Variants in SPMIP6 observed in about 807,000 individuals in gnomAD.
The protein encoded by SPMIP6 is ciliated bronchial epithelial protein 1.
the SPMIP6 span, chr9:34,379,516 C>T: frequency 2.7e-5 from 22 of 827,332 alleles, no homozygotes; most frequent in Non-Finnish European, 3.9e-5. This position sits in a 1 kb window ranked among gnomAD's most constrained non-coding sequence, Gnocchi z 4.2. Context: ...CACTAGCTCC[C>T]CCTCGTGGTA....
chr9:34,381,876 G>T, the SPMIP6 span: 1 of 768,416 alleles, frequency 1.3e-6, no homozygotes, highest in Non-Finnish European at 1.6e-6. This position sits in a 1 kb window ranked among gnomAD's most constrained non-coding sequence, Gnocchi z 4.4. Context: ...TCAGCCATCA[G>T]CCTGCAGTTA....
chr9:34,381,814 A>C, the SPMIP6 span: 783 of 974,472 alleles, frequency 8.0e-4, 1 homozygote, highest in Non-Finnish European at 9.3e-4. This position sits in a 1 kb window ranked among gnomAD's most constrained non-coding sequence, Gnocchi z 4.4. Flanking sequence ...AACTTGTGAA[A>C]GATTCGATTC....
At chr9:34,381,810 TG>T in the SPMIP6 span, 3 of 974,764 alleles carry the variant, frequency 3.1e-6, no homozygotes, top group Non-Finnish European at 3.7e-6. This position sits in a 1 kb window ranked among gnomAD's most constrained non-coding sequence, Gnocchi z 4.4. Context: ...GGAGAACTTG[TG>T]AAAGATTCGA....
At chr9:34,384,621 G>T in the SPMIP6 span, among the ~76,000 whole-genome samples, 2 of 152,142 alleles carry the variant, frequency 1.3e-5, no homozygotes, top group African/African-American at 4.8e-5. Context: ...CATAGGAGAT[G>T]CACATTCCCA....
At chr9:34,382,582 C>G in the SPMIP6 span, 1 of 518,204 alleles carries the variant, frequency 1.9e-6, no homozygotes, top group South Asian at 2.1e-5. Flanking sequence ...GAGACTCTAT[C>G]TAAAAAAAAA....
chr9:34,394,647 T>C, the SPMIP6 span, among the ~76,000 whole-genome samples: 1 of 152,078 alleles, frequency 6.6e-6, no homozygotes, highest in African/African-American at 2.4e-5. Flanking sequence ...TTTACCGCCA[T>C]TGAAGATAAA....
the SPMIP6 span, chr9:34,385,573 C>T: frequency 5.6e-6 from 6 of 1,080,504 alleles, no homozygotes; most frequent in South Asian, 2.7e-5. Flanking sequence ...ATAGAGGTCA[C>T]GATCCAGGTG....
chr9:34,385,795 G>A, the SPMIP6 span: 1 of 1,610,512 alleles, frequency 6.2e-7, no homozygotes, highest in East Asian at 2.2e-5. Flanking sequence ...GGCAAGGGGA[G>A]AGGAGAGAAG....
the SPMIP6 span, among the ~76,000 whole-genome samples, chr9:34,383,266 G>C: frequency 6.6e-6 from 1 of 152,206 alleles, no homozygotes; most frequent in East Asian, 1.9e-4. Flanking sequence ...GCTCATGCCT[G>C]TAATCCTAGC....
chr9:34,395,366 TTC>T, the SPMIP6 span, among the ~76,000 whole-genome samples: 3 of 152,212 alleles, frequency 2.0e-5, no homozygotes, highest in African/African-American at 4.8e-5. Context: ...TCCGAGAGAT[TTC>T]TCTGTCACTA....
At chr9:34,380,071 T>A in the SPMIP6 span, among the ~76,000 whole-genome samples, 1 of 152,224 alleles carries the variant, frequency 6.6e-6, no homozygotes, top group South Asian at 2.1e-4. Flanking sequence ...TTTCTGAGCT[T>A]CCTAGAGGCT....
chr9:34,379,188 G>A, the SPMIP6 span: 1 of 1,569,518 alleles, frequency 6.4e-7, no homozygotes, highest in Admixed American at 1.7e-5. This position sits in a 1 kb window ranked among gnomAD's most constrained non-coding sequence, Gnocchi z 4.2. Context: ...CCATCTACAG[G>A]AAGAGATGGG....
the SPMIP6 span, chr9:34,381,162 C>A: frequency 1.3e-6 from 2 of 1,559,884 alleles, no homozygotes; most frequent in Non-Finnish European, 1.7e-6. This position sits in a 1 kb window ranked among gnomAD's most constrained non-coding sequence, Gnocchi z 4.4. Flanking sequence ...CGCAGGAGAC[C>A]CAAAGACAGA....
At chr9:34,390,302 G>C in the SPMIP6 span, among the ~76,000 whole-genome samples, 1 of 151,966 alleles carries the variant, frequency 6.6e-6, no homozygotes, top group African/African-American at 2.4e-5. Context: ...GGTTATATTT[G>C]CTAAGTTTTT....
chr9:34,385,858 G>T, the SPMIP6 span: 1 of 1,492,774 alleles, frequency 6.7e-7, no homozygotes, highest in Middle Eastern at 2.5e-4. Context: ...ACTAGATCCA[G>T]CCTCTCTTGA....
the SPMIP6 span, chr9:34,381,864 G>A: frequency 9.4e-6 from 8 of 849,750 alleles, no homozygotes; most frequent in African/African-American, 1.3e-4. The surrounding 1 kb of genome is among the most constrained non-coding windows in gnomAD (Gnocchi z 4.4). Context: ...ATCAACCCAG[G>A]GTCAGCCATC....
the SPMIP6 span, chr9:34,385,674 G>A: frequency 6.2e-7 from 1 of 1,613,918 alleles, no homozygotes; most frequent in East Asian, 2.2e-5. Context: ...CAGGCAAGTA[G>A]GGGTGGCCTG....
the SPMIP6 span, chr9:34,381,552 C>T: frequency 1.3e-6 from 2 of 1,546,272 alleles, no homozygotes; most frequent in East Asian, 2.4e-5. The surrounding 1 kb of genome is among the most constrained non-coding windows in gnomAD (Gnocchi z 4.4). Context: ...ACTTCTCCCG[C>T]CCTTCAGCAG....
chr9:34,392,442 C>CGTGTGTGTGTGTGTGTGTGTGTGT, the SPMIP6 span, among the ~76,000 whole-genome samples: 1 of 148,120 alleles, frequency 6.8e-6, no homozygotes, highest in Non-Finnish European at 1.5e-5. This position sits in a 1 kb window ranked among gnomAD's most constrained non-coding sequence, Gnocchi z 4.6. Context: ...ATCTAAAAAC[C>CGTGTGTGTGTGTGTGTGTGTGTGT]GTGTGTGTGT....
Sources: gnomAD v4.1 joint callset for allele counts (sites outside exome capture counted in the v4.1 genomes callset) on GRCh38, gnomAD v4.1.1 for gene constraint, Gnocchi (gnomAD v3.1) non-coding constraint, MANE v1.5 for transcripts, NCBI Gene and HGNC (gene_info 2026-07-23, HGNC 2026-07-21) for gene names.